The following CDH13 variants were observed in gnomAD, a reference collection of about 807,000 sequenced individuals.
CDH13 encodes the protein cadherin-13.
In CDH13, 24 loss-of-function variants were observed where a neutral mutation model predicts 63.8. The ratio of observed to expected loss-of-function variants is 0.38; its 90% CI spans 0.27 to 0.53. The LOEUF is 0.53. Among genes scored for constraint, CDH13 ranks in the 20% least tolerant of loss-of-function variants. The pLI is 0.85. For missense variants in CDH13, 1,049 were observed against 903.1 expected (o/e 1.16, Z -2.07); for synonymous variants, 503 against 355.3 (o/e 1.42, Z -4.67).
At chr16:83,348,098 G>T (rs997428604) in intron 6 of CDH13, among the ~76,000 whole-genome samples, 1 of 152,134 alleles carries the variant, frequency 6.6e-6, no homozygotes, top group Non-Finnish European at 1.5e-5. Context: ...GCTGAGGCAG[G>T]AGAATTGCTT....
chr16:83,583,263 T>C (rs1315115942), intron 7 of CDH13, among the ~76,000 whole-genome samples: 3 of 152,166 alleles, frequency 2.0e-5, no homozygotes, highest in Non-Finnish European at 2.9e-5. Flanking sequence ...CTTAATTACA[T>C]CTGCAGAGAC....
intron 2 of CDH13, among the ~76,000 whole-genome samples, chr16:82,905,203 G>A (rs1218206747): frequency 3.3e-5 from 5 of 152,144 alleles, no homozygotes; most frequent in Non-Finnish European, 7.3e-5. Context: ...CTTGAGAATC[G>A]CGATTATATG....
intron 1 of CDH13, among the ~76,000 whole-genome samples, chr16:82,768,024 G>A (rs1378351928): frequency 1.3e-5 from 2 of 152,128 alleles, no homozygotes; most frequent in Non-Finnish European, 2.9e-5. Context: ...TCATGGGCGT[G>A]CCTTGGGTTG....
chr16:83,766,936 C>T (rs748274484), intron 11 of CDH13, among the ~76,000 whole-genome samples: 4 of 152,148 alleles, frequency 2.6e-5, no homozygotes, highest in Admixed American at 6.6e-5. Context: ...AAGAAGATGC[C>T]TGCTTCTCCT....
intron 5 of CDH13, among the ~76,000 whole-genome samples, chr16:83,231,663 G>A (rs747037476): frequency 5.3e-5 from 8 of 152,168 alleles, no homozygotes; most frequent in Non-Finnish European, 1.2e-4. Context: ...CCACCCTGCA[G>A]CTGCAGAGTT....
Position 83,005,549 on chromosome 16 carries a change from G to A in CDH13, c.158-26461G>A, listed in dbSNP as rs142427728. Among the ~76,000 whole-genome samples the A allele has an allele frequency of 3.3e-3, 508 of 151,886 alleles. 5 individuals carry two copies. Among genetic ancestry groups the A allele is most frequent in the African/African-American group, 0.011 (467 of 41,398 alleles). On this transcript the variant is annotated intron_variant, in intron 2 of 13. Coordinates refer to ENST00000567109, the MANE Select transcript of CDH13 (RefSeq NM_001257.5). ...GTAGAGCTTTGAGCAGTGTTTTCCA[G>A]TTGTGAAGGGCAAAGGAAATTCTCC... is the stretch of plus-strand genomic sequence containing the variant.
intron 6 of CDH13, among the ~76,000 whole-genome samples, chr16:83,354,346 C>G (rs2091013641): frequency 6.6e-6 from 1 of 152,304 alleles, no homozygotes; most frequent in South Asian, 2.1e-4. Context: ...ACCCTTATTT[C>G]AAATCAATTC....
chr16:83,680,842 G>T (rs1161220817), intron 10 of CDH13, among the ~76,000 whole-genome samples: 2 of 151,988 alleles, frequency 1.3e-5, no homozygotes, highest in Non-Finnish European at 2.9e-5. Context: ...AAAAGTCCAT[G>T]GGAACAAAGG....
chr16:83,020,958 C>T (rs906676386), intron 2 of CDH13, among the ~76,000 whole-genome samples: 1 of 152,216 alleles, frequency 6.6e-6, no homozygotes, highest in South Asian at 2.1e-4. Context: ...GCTCTCTTCA[C>T]ATTAATTTAC....
chr16:83,220,045 G>T (rs1466218638), intron 5 of CDH13, among the ~76,000 whole-genome samples: 1 of 152,176 alleles, frequency 6.6e-6, no homozygotes, highest in East Asian at 1.9e-4. Flanking sequence ...AAGTACTTGG[G>T]TTACTTACGA....
At chr16:83,500,212 A>T (rs926904177) in intron 7 of CDH13, among the ~76,000 whole-genome samples, 1 of 149,744 alleles carries the variant, frequency 6.7e-6, no homozygotes, top group African/African-American at 2.5e-5. Flanking sequence ...ATTTGAATTC[A>T]GACACTAGTT....
chr16:82,893,308 A>C (rs2041145762), intron 2 of CDH13, among the ~76,000 whole-genome samples: 1 of 152,260 alleles, frequency 6.6e-6, no homozygotes, highest in Non-Finnish European at 1.5e-5. Context: ...GAGAAATCCA[A>C]AAATAGATAA....
At chr16:82,773,577 A>G (rs1255683722) in intron 1 of CDH13, 1 of 152,218 alleles carries the variant, frequency 6.6e-6, no homozygotes, top group Admixed American at 6.5e-5. Context: ...CTGTAACAGT[A>G]CATTCTAGAG....
intron 7 of CDH13, among the ~76,000 whole-genome samples, chr16:83,497,082 C>G (rs891524598): frequency 3.3e-5 from 5 of 152,160 alleles, no homozygotes; most frequent in African/African-American, 1.2e-4. Flanking sequence ...AGTAGTTCAA[C>G]CATTGTGGAA....
At chr16:83,229,255 C>T (rs1456812510) in intron 5 of CDH13, among the ~76,000 whole-genome samples, 2 of 152,136 alleles carry the variant, frequency 1.3e-5, no homozygotes, top group African/African-American at 4.8e-5. Flanking sequence ...AAAATGCATT[C>T]ATTTATTGAG....
chr16:83,075,228 C>G (rs976946529), intron 3 of CDH13, among the ~76,000 whole-genome samples: 4 of 152,196 alleles, frequency 2.6e-5, no homozygotes, highest in Non-Finnish European at 2.9e-5. Flanking sequence ...AACTCCCTCA[C>G]TTGTGATTCC....
intron 2 of CDH13, among the ~76,000 whole-genome samples, chr16:83,031,513 T>A (rs945766570): frequency 4.0e-5 from 6 of 151,686 alleles, no homozygotes; most frequent in African/African-American, 1.5e-4. Flanking sequence ...TCCCTGAATC[T>A]GTTTTGCTAT....
chr16:82,941,323 AT>A lies in CDH13; in HGVS notation c.157+82851del, dbSNP rs557799467. On this transcript the variant is annotated intron_variant, in intron 2 of 13. Transcript: ENST00000567109. Reference sequence around the variant, plus strand: ...GGATCTCCCATTCAGTGAAATCTAGATAGCGTTGGACCAAAACCCTGTTCTG... The same window carrying A: ...GGATCTCCCATTCAGTGAAATCTAGAAGCGTTGGACCAAAACCCTGTTCTG... Among the ~76,000 whole-genome samples the A allele has an allele frequency of 3.0e-3, 452 of 152,304 alleles. 1 individual carries two copies. The highest frequency in any genetic ancestry group is 9.8e-3 in the African/African-American group (409 of 41,560).
At chr16:83,644,630 C>G (rs776338204) in intron 8 of CDH13, among the ~76,000 whole-genome samples, 25 of 152,166 alleles carry the variant, frequency 1.6e-4, no homozygotes, top group Non-Finnish European at 4.4e-5. Context: ...GATTCCTAGC[C>G]TGCTCCACTG....
Sources: gnomAD v4.1 joint callset for allele counts (sites outside exome capture counted in the v4.1 genomes callset) on GRCh38, gnomAD v4.1.1 for gene constraint, MANE v1.5 for transcripts, NCBI Gene and HGNC (gene_info 2026-07-23, HGNC 2026-07-21) for gene names.